ADCY9: variants seen among roughly 807,000 people sequenced by gnomAD.
ADCY9 encodes the protein adenylate cyclase 9.
ADCY9 carries 50 observed loss-of-function variants against 101.5 expected under a neutral mutation model. That is an observed-to-expected ratio of 0.49 (90% CI 0.39 to 0.62). The LOEUF (loss-of-function observed/expected upper bound fraction) is 0.62. Ranked by LOEUF, ADCY9 falls within the 20% of genes least tolerant of loss-of-function variation. The pLI, the probability that ADCY9 is intolerant of heterozygous loss-of-function variation, is 0.00. For missense variants in ADCY9, 1,662 were observed against 1,800.4 expected, an observed-to-expected ratio of 0.92 and a Z score of 1.39; for synonymous variants, 905 against 769.3, an observed-to-expected ratio of 1.18 and a Z score of -2.92.
At chr16:4,065,473 G>C (rs1183562053) in intron 2 of ADCY9, among the ~76,000 whole-genome samples, 1 of 152,180 alleles carries the variant, frequency 6.6e-6, no homozygotes, top group Non-Finnish European at 1.5e-5. Flanking sequence ...GCAACACCAT[G>C]TTGCCAGAAG....
Position 3,992,126 on chromosome 16 carries a change from C to T in ADCY9, c.2207+20G>A, listed in dbSNP as rs190750717. 687 of 1,610,350 alleles carry T rather than the reference C, an allele frequency of 4.3e-4. 1 individual carries two copies. Among genetic ancestry groups the T allele is most frequent in the Middle Eastern group, 1.2e-3 (7 of 5,968 alleles). ...TTCTGCCTGCAACCTTTGCTTTTTC[C>T]CAGACAGCCCCAGTCGTACCTGTCT... On this transcript the variant is annotated intron_variant, in intron 5 of 10. Transcript: ENST00000294016. The surrounding 1 kb of genome is among the most constrained non-coding windows in gnomAD (Gnocchi z 4.2).
At chr16:4,078,562 G>GAAAAAA (rs796262600) in intron 2 of ADCY9, among the ~76,000 whole-genome samples, 1 of 65,754 alleles carries the variant, frequency 1.5e-5, no homozygotes, top group African/African-American at 4.7e-5. Flanking sequence ...CTCAAAAAAA[G>GAAAAAA]AAAAAAAAAA....
chr16:3,963,041 T>G lies in ADCY9; in HGVS notation c.*2734A>C, dbSNP rs1181409955. The stretch of plus-strand genomic sequence containing the variant: ...GGGCTCTCAAGCTATTCGAGGGTTT[T>G]GTAACTGATGCTCTACATTTGTTTG... On this transcript the variant is annotated 3_prime_UTR_variant, in exon 11 of 11. Transcript: ENST00000294016. 1 of 157,660 alleles carries G rather than the reference T, an allele frequency of 6.3e-6. No homozygotes were observed. The highest frequency in any genetic ancestry group is 1.4e-5 in the Non-Finnish European group (1 of 73,676). 9.8% of individuals were successfully genotyped at this position (157,660 alleles called of 1,614,324 possible).
At chr16:4,014,045 G>A (rs746156194) in intron 2 of ADCY9, among the ~76,000 whole-genome samples, 1 of 152,158 alleles carries the variant, frequency 6.6e-6, no homozygotes, top group Non-Finnish European at 1.5e-5. Context: ...CAGGTCAGGC[G>A]CGGTAGCTCA....
intron 2 of ADCY9, among the ~76,000 whole-genome samples, chr16:4,046,164 C>G (rs554606705): frequency 6.6e-6 from 1 of 152,146 alleles, no homozygotes; most frequent in African/African-American, 2.4e-5. Flanking sequence ...ATTTGTGATT[C>G]GTGTTAATGA....
chr16:4,012,341 A>G (rs1159126402), intron 2 of ADCY9, among the ~76,000 whole-genome samples: 2 of 151,790 alleles, frequency 1.3e-5, no homozygotes, highest in African/African-American at 4.8e-5. Context: ...ATACATCAGG[A>G]CAGGTTACTG....
intron 2 of ADCY9, among the ~76,000 whole-genome samples, chr16:4,081,876 G>A (rs378024): frequency 1.3e-5 from 2 of 151,452 alleles, no homozygotes; most frequent in East Asian, 1.9e-4. Context: ...AAGAAAGGGG[G>A]CGGCGGGGGA....
chr16:4,023,615 T>G (rs1196123838), intron 2 of ADCY9, among the ~76,000 whole-genome samples: 1 of 152,108 alleles, frequency 6.6e-6, no homozygotes, highest in Non-Finnish European at 1.5e-5. Flanking sequence ...TGGGAGCCAT[T>G]AAGAGGTTTC....
intron 2 of ADCY9, among the ~76,000 whole-genome samples, chr16:4,082,414 A>G (rs1165016347): frequency 6.6e-6 from 1 of 152,172 alleles, no homozygotes; most frequent in African/African-American, 2.4e-5. Flanking sequence ...TGTTTTAACT[A>G]AAGTCACAGC....
chr16:4,075,225 G>A lies in ADCY9; in HGVS notation c.1693+38525C>T, dbSNP rs113357970. 1.6e-3 allele frequency among the ~76,000 whole-genome samples: 239 copies of A among 152,240 alleles called. 1 individual carries two copies. The highest frequency in any genetic ancestry group is 5.0e-3 in the African/African-American group (209 of 41,556). On this transcript the variant is annotated intron_variant, in intron 2 of 10. Transcript: ENST00000294016. ...ACCATCTTGGCTCACTGCAACCTCCGCCTCCCGGGTTCAAGCAATTCTCCT... is the reference window on the plus strand; with the variant it reads ...ACCATCTTGGCTCACTGCAACCTCCACCTCCCGGGTTCAAGCAATTCTCCT...
chr16:3,988,931 G>GA lies in ADCY9; in HGVS notation c.2310+62dup, dbSNP rs1324904957. ...CTTGGTAAAGCACAAAACTAACAGT[G>GA]AATGACCATGTGAGAACAACAAACA... On this transcript the variant is annotated intron_variant, in intron 6 of 10. Transcript: ENST00000294016. 6 of 1,297,234 alleles carry GA rather than the reference G, an allele frequency of 4.6e-6. No homozygotes were observed. The African/African-American group carries it at 7.3e-5, about 16-fold the overall frequency. 80.4% of individuals were successfully genotyped at this position (1,297,234 alleles called of 1,614,324 possible).
At chr16:3,982,826 G>C (rs1182432928) in intron 7 of ADCY9, 1 of 191,006 alleles carries the variant, frequency 5.2e-6, no homozygotes, top group Non-Finnish European at 1.1e-5. Flanking sequence ...CCTGAGGCAA[G>C]TGCGTGGAGA....
At chr16:4,074,209 C>A (rs1456123712) in intron 2 of ADCY9, among the ~76,000 whole-genome samples, 1 of 151,856 alleles carries the variant, frequency 6.6e-6, no homozygotes, top group Non-Finnish European at 1.5e-5. Flanking sequence ...TAAACATTTA[C>A]AAGGTTCTCA....
chr16:4,114,194 C>T lies in ADCY9; in HGVS notation c.1249G>A (p.Gly417Ser). Residue 417 changes from glycine (G) to serine (S), a missense_variant, in exon 2 of 11, where the codon GGT becomes AGT. Gly to Ser is a moderately conservative substitution (Grantham distance 56, BLOSUM62 0). Coordinates refer to ENST00000294016, the MANE Select transcript of ADCY9 (RefSeq NM_001116.4). The surrounding 1 kb of genome is among the most constrained non-coding windows in gnomAD (Gnocchi z 4.3). ...CGACCGAACAGATCGTTCAGGAGAC[C>T]CACCAGGGCGTGGGCAGACTTGTTG... Reference protein sequence around the residue: ...SANKSAHALVGLLNDLFGRFD... With the variant: ...SANKSAHALVSLLNDLFGRFD... The T allele has an allele frequency of 1.2e-6, 2 of 1,613,946 alleles. No individual in the cohort carries two copies. Among genetic ancestry groups the T allele is most frequent in the Non-Finnish European group, 1.7e-6 (2 of 1,180,028 alleles).
chr16:4,070,134 G>T (rs1192956951), intron 2 of ADCY9, among the ~76,000 whole-genome samples: 1 of 152,074 alleles, frequency 6.6e-6, no homozygotes, highest in Non-Finnish European at 1.5e-5. Flanking sequence ...GTGTGTGTGT[G>T]TGTGTGTGTG....
chr16:3,989,411 T>C (rs900719618), intron 5 of ADCY9, among the ~76,000 whole-genome samples: 15 of 152,106 alleles, frequency 9.9e-5, no homozygotes, highest in Non-Finnish European at 1.6e-4. Context: ...GGTCTCACTC[T>C]GTCGCCCAGG....
chr16:4,026,469 A>T (rs2601818), intron 2 of ADCY9, among the ~76,000 whole-genome samples: 2 of 149,310 alleles, frequency 1.3e-5, no homozygotes, highest in South Asian at 4.2e-4. Flanking sequence ...ATGACCATAC[A>T]CCCAGAAACC....
intron 5 of ADCY9, 34 bp from the exon 6 acceptor site, chr16:3,989,130 C>G (rs1279495878): frequency 6.7e-7 from 1 of 1,481,768 alleles, no homozygotes; most frequent in Non-Finnish European, 9.4e-7. Flanking sequence ...CGATCAATAC[C>G]CAGCACCATA....
intron 2 of ADCY9, chr16:4,032,828 TAA>T (rs1182801294): frequency 2.0e-5 from 3 of 152,150 alleles, no homozygotes; most frequent in Non-Finnish European, 4.4e-5. Context: ...TATACTTTTT[TAA>T]AAAGAGACTT....
Sources: allele counts gnomAD v4.1 joint callset (sites outside exome capture counted in the v4.1 genomes callset), GRCh38; gene constraint gnomAD v4.1.1; non-coding constraint Gnocchi (gnomAD v3.1); transcripts MANE v1.5; gene names NCBI Gene and HGNC (gene_info 2026-07-23, HGNC 2026-07-21).